Variants in PACRGL observed in about 807,000 individuals in gnomAD.
PACRGL encodes the protein PACRG-like protein.
A neutral mutation model predicts 34.5 loss-of-function variants in PACRGL; 38 were observed. That is an observed-to-expected ratio of 1.10 (90% CI 0.85 to 1.44). PACRGL has a LOEUF of 1.44. Ranked by LOEUF, PACRGL falls within the 40% of genes most tolerant of loss-of-function variation. The pLI is 0.00. For synonymous variants in PACRGL, 128 were observed against 100.1 expected (o/e 1.28, Z -1.66); for missense variants, 305 against 281.4 (o/e 1.08, Z -0.60).
Position 20,713,429 on chromosome 4 carries a change from C to T in PACRGL, c.502-3C>T, listed in dbSNP as rs1382607009. ...TACATCCCCCAACTAACCAACCTTA[C>T]AGGTCCATTCGGATGATGAAGTGTT... is the stretch of plus-strand genomic sequence containing the variant. On this transcript the variant is annotated splice_region_variant and splice_polypyrimidine_tract_variant and intron_variant, in intron 6 of 8. Coordinates refer to ENST00000503585, the MANE Select transcript of PACRGL (RefSeq NM_001258345.3). 1.9e-6 allele frequency: 3 copies of T among 1,611,710 alleles called. No homozygotes were observed. Among genetic ancestry groups the T allele is most frequent in the Non-Finnish European group, 2.5e-6 (3 of 1,178,304 alleles).
Position 20,732,109 on chromosome 4 carries a change from C to T in PACRGL, c.*4768C>T, listed in dbSNP as rs1335275526. On this transcript the variant is annotated 3_prime_UTR_variant, in exon 9 of 9. Transcript: ENST00000503585. ...ACAAAAATTGTATTTAGACTTATCC[C>T]TTAATACCCTCACACCTGGACCAAA... is the stretch of plus-strand genomic sequence containing the variant. 2.2e-6 allele frequency: 3 copies of T among 1,374,628 alleles called. No homozygotes were observed. The highest frequency in any genetic ancestry group is 2.3e-5 in the East Asian group (1 of 43,646). 85.2% of individuals were successfully genotyped at this position (1,374,628 alleles called of 1,614,324 possible).
downstream of PACRGL, chr4:20,732,913 A>G (rs1161206160): frequency 2.0e-5 from 12 of 605,364 alleles, no homozygotes; most frequent in Middle Eastern, 4.2e-4. Context: ...TCTTTGTTAG[A>G]CGACTGTTGG....
At chr4:20,719,858 G>C (rs1742135027) in intron 7 of PACRGL, among the ~76,000 whole-genome samples, 1 of 152,086 alleles carries the variant, frequency 6.6e-6, no homozygotes, top group South Asian at 2.1e-4. Context: ...GCTTGGTGCA[G>C]AGGTGAGTTC....
At chr4:20,717,065 T>C (rs1208780951) in intron 7 of PACRGL, among the ~76,000 whole-genome samples, 1 of 152,242 alleles carries the variant, frequency 6.6e-6, no homozygotes, top group Admixed American at 6.5e-5. Flanking sequence ...GGTTTTGATT[T>C]GCATTTCTTA....
chr4:20,746,929 C>T (rs1012028971), intron 8 of PACRGL, among the ~76,000 whole-genome samples: 1 of 152,136 alleles, frequency 6.6e-6, no homozygotes, highest in Non-Finnish European at 1.5e-5. Flanking sequence ...CATTCCCTAA[C>T]CATTTCTATT....
chr4:20,703,668 A>G (rs1024856005), intron 1 of PACRGL, among the ~76,000 whole-genome samples: 3 of 152,138 alleles, frequency 2.0e-5, no homozygotes, highest in African/African-American at 7.2e-5. Flanking sequence ...AACTTGAGAG[A>G]TAATTTCATT....
intron 3 of PACRGL, among the ~76,000 whole-genome samples, chr4:20,706,674 C>T (rs1317636897): frequency 6.6e-6 from 1 of 151,988 alleles, no homozygotes; most frequent in African/African-American, 2.4e-5. Context: ...CTCCTGCATT[C>T]AAGCCATTCT....
At chr4:20,739,799 C>T (rs186722078) in intron 8 of PACRGL, among the ~76,000 whole-genome samples, 2 of 152,256 alleles carry the variant, frequency 1.3e-5, no homozygotes, top group African/African-American at 4.8e-5. Context: ...CTTCTCCGAA[C>T]TAAAGGAAGA....
intron 8 of PACRGL, among the ~76,000 whole-genome samples, chr4:20,743,265 A>G (rs1195397057): frequency 6.6e-6 from 1 of 152,184 alleles, no homozygotes; most frequent in Admixed American, 6.5e-5. Flanking sequence ...ATTGGAAAAA[A>G]CTACTTTAAA....
rs999363873 is a variant in PACRGL at position 20,732,368 on chromosome 4, CT to C, written c.*5032del. 6.6e-6 allele frequency among the ~76,000 whole-genome samples: 1 copy of C among 152,118 alleles called. No individual in the cohort carries two copies. The highest frequency in any genetic ancestry group is 6.5e-5 in the Admixed American group (1 of 15,268). On this transcript the variant is annotated 3_prime_UTR_variant, in exon 9 of 9. Coordinates refer to ENST00000503585, the MANE Select transcript of PACRGL (RefSeq NM_001258345.3). The stretch of plus-strand genomic sequence containing the variant: ...AATTTGCTGAAACTTTCAGAGCTTG[CT>C]TTTTGTCTCATCTGTAAAATGAGAT...
intron 7 of PACRGL, among the ~76,000 whole-genome samples, chr4:20,720,504 A>G (rs1358619059): frequency 6.6e-6 from 1 of 151,926 alleles, no homozygotes; most frequent in Non-Finnish European, 1.5e-5. Flanking sequence ...TTCCTTCAGG[A>G]GCTCTTGTAA....
At chr4:20,704,177 A>G (rs1022800402) in intron 1 of PACRGL, among the ~76,000 whole-genome samples, 9 of 152,238 alleles carry the variant, frequency 5.9e-5, no homozygotes, top group Non-Finnish European at 1.2e-4. Context: ...TAATGTGGTC[A>G]GAGAATTGGA....
downstream of PACRGL, chr4:20,732,618 T>C (rs1748597809): frequency 6.0e-6 from 6 of 1,006,654 alleles, no homozygotes; most frequent in East Asian, 1.4e-4. Flanking sequence ...TCGTGGTGCA[T>C]GGCAAACATC....
At chr4:20,750,401 G>T (rs114643439) in intron 8 of PACRGL, among the ~76,000 whole-genome samples, 3 of 152,120 alleles carry the variant, frequency 2.0e-5, no homozygotes, top group African/African-American at 7.2e-5. Flanking sequence ...AGGGGACTGG[G>T]TGGTCCTACA....
At chr4:20,715,576 A>C (rs1739518780) in intron 7 of PACRGL, among the ~76,000 whole-genome samples, 1 of 152,086 alleles carries the variant, frequency 6.6e-6, no homozygotes, top group Non-Finnish European at 1.5e-5. Flanking sequence ...GTTATAATAA[A>C]AAGTAAACCA....
intron 4 of PACRGL, among the ~76,000 whole-genome samples, chr4:20,709,058 G>A (rs1035658060): frequency 4.6e-5 from 7 of 152,110 alleles, no homozygotes; most frequent in African/African-American, 1.7e-4. Context: ...AGAATTGCTT[G>A]AACCTGGGAG....
In PACRGL at chr4:20,740,639, A is replaced by G. The variant is rs190773407; in HGVS notation, c.*57-11926A>G. The stretch of plus-strand genomic sequence containing the variant: ...AAAAACATGCCAAATTGTAAAGACC[A>G]TCAAGGCTAGGAAGAAACTGCATCA... On this transcript the variant is annotated intron_variant, in intron 8 of 8. Coordinates refer to the PACRGL transcript ENST00000507634. 2.3e-3 allele frequency among the ~76,000 whole-genome samples: 353 copies of G among 152,330 alleles called. 8 individuals are homozygous for G. In the South Asian group the frequency reaches 0.046, roughly 20 times the overall value.
chr4:20,707,917 G>T (rs201041637), intron 4 of PACRGL, 47 bp downstream of exon 4: 959 of 1,330,212 alleles, frequency 7.2e-4, no homozygotes, highest in Non-Finnish European at 8.7e-4. Context: ...CAAAATCATT[G>T]AGTAAAATGA....
At chr4:20,721,566 CTG>C (rs1346897005) in intron 7 of PACRGL, among the ~76,000 whole-genome samples, 2 of 152,332 alleles carry the variant, frequency 1.3e-5, no homozygotes, top group South Asian at 4.1e-4. Context: ...AGCTGCAGGT[CTG>C]TTGGAGTTTG....
Sources: allele counts gnomAD v4.1 joint callset (sites outside exome capture counted in the v4.1 genomes callset), GRCh38; gene constraint gnomAD v4.1.1; transcripts MANE v1.5; gene names NCBI Gene and HGNC (gene_info 2026-07-23, HGNC 2026-07-21).